The following LMLN variants were observed in gnomAD, a reference collection of about 807,000 sequenced individuals.
LMLN encodes leishmanolysin like peptidase.
A neutral mutation model predicts 92.3 loss-of-function variants in LMLN; 70 were observed. The observed-to-expected ratio is 0.76, with a 90% CI of 0.63 to 0.92. The LOEUF (loss-of-function observed/expected upper bound fraction) is 0.92. Among genes scored for constraint, LMLN ranks in the 40% least tolerant of loss-of-function variants. The pLI, the probability that LMLN is intolerant of heterozygous loss-of-function variation, is 0.00. For synonymous variants in LMLN, 308 were observed against 296.2 expected, an observed-to-expected ratio of 1.04 and a Z score of -0.41; for missense variants, 691 against 814.6, an observed-to-expected ratio of 0.85 and a Z score of 1.85.
chr3:197,960,271 T>G (rs1003711388), exon 1 of LMLN: 17 of 1,610,454 alleles, frequency 1.1e-5, no homozygotes, highest in Non-Finnish European at 1.4e-5. Flanking sequence ...GGCGGAGGAG[T>G]GGGTTACTCG....
At position 198,035,256 on chromosome 3, in the gene LMLN, T is replaced by C. The variant is rs1486671653; in HGVS notation, c.1657-577T>C. 3.3e-5 allele frequency among the ~76,000 whole-genome samples: 5 copies of C among 150,562 alleles called. No homozygotes were observed. In the South Asian group the frequency reaches 1.0e-3, roughly 32 times the overall value. Reference sequence around the variant, plus strand: ...GCCCCCTTGTAATTTTTGGGAAAAGTGTCCATAGCTTCCATCAGATTCTTA... The same window carrying C: ...GCCCCCTTGTAATTTTTGGGAAAAGCGTCCATAGCTTCCATCAGATTCTTA... On this transcript the variant is annotated intron_variant, in intron 14 of 15. Coordinates refer to ENST00000330198, the Ensembl canonical transcript of LMLN.
chr3:197,979,977 A>C (rs1227414220), intron 5 of LMLN, among the ~76,000 whole-genome samples: 1 of 152,200 alleles, frequency 6.6e-6, no homozygotes, highest in African/African-American at 2.4e-5. Flanking sequence ...AAGTTGAAAA[A>C]AAAGCTACTT....
intron 1 of LMLN, among the ~76,000 whole-genome samples, chr3:197,965,681 G>A (rs545274113): frequency 2.6e-4 from 39 of 152,248 alleles, no homozygotes; most frequent in African/African-American, 8.4e-4. Context: ...TTTGGAGGCC[G>A]GGATGGCAAA....
intron 11 of LMLN, among the ~76,000 whole-genome samples, chr3:198,010,299 G>C (rs1467250008): frequency 6.6e-6 from 1 of 151,490 alleles, no homozygotes; most frequent in Non-Finnish European, 1.5e-5. Context: ...GACTACAGGT[G>C]CACACCACCA....
intron 1 of LMLN, among the ~76,000 whole-genome samples, chr3:197,966,547 T>C (rs529939228): frequency 2.0e-3 from 288 of 143,148 alleles, no homozygotes; most frequent in African/African-American, 7.4e-3. Context: ...TTCTAAGAGT[T>C]TTTTTTTTTT....
At chr3:198,043,328 C>T (rs1723463192) in exon 16 of LMLN, 1 of 152,610 alleles carries the variant, frequency 6.6e-6, no homozygotes, top group African/African-American at 2.4e-5. Flanking sequence ...GGTGCCTTAC[C>T]ACTGTCCGTG....
chr3:198,038,670 A>G (rs1252942625), exon 16 of LMLN: 1 of 1,594,504 alleles, frequency 6.3e-7, no homozygotes, highest in Non-Finnish European at 8.6e-7. Flanking sequence ...GGCACTAGGA[A>G]TGGAAAAGTG....
chr3:197,960,547 A>C, intron 1 of LMLN, 107 bp downstream of exon 1: 2 of 1,016,306 alleles, frequency 2.0e-6, no homozygotes, highest in Non-Finnish European at 2.8e-6. Context: ...AGAAAGCGAA[A>C]TTGGGGCAGA....
At chr3:197,963,898 AC>A (rs1189562631) in intron 1 of LMLN, among the ~76,000 whole-genome samples, 1 of 152,188 alleles carries the variant, frequency 6.6e-6, no homozygotes, top group Non-Finnish European at 1.5e-5. Context: ...TATGATGTTA[AC>A]TTTACATTTT....
intron 1 of LMLN, among the ~76,000 whole-genome samples, chr3:197,964,676 C>T (rs981649956): frequency 4.0e-5 from 6 of 150,772 alleles, no homozygotes; most frequent in Admixed American, 6.6e-5. Context: ...GGATTACAGG[C>T]GTGAGCCACC....
intron 8 of LMLN, 125 bp downstream of exon 8, chr3:197,986,015 A>T: frequency 1.6e-6 from 1 of 622,286 alleles, no homozygotes; most frequent in Admixed American, 2.9e-5. Flanking sequence ...AGGAAATTGT[A>T]GATATTAAAA....
At position 197,960,303 on chromosome 3, in the gene LMLN, C is replaced by T. The variant is rs753197155; in HGVS notation, c.82C>T (p.Arg28Trp). 8.7e-6 allele frequency: 14 copies of T among 1,613,730 alleles called. No individual in the cohort carries two copies. Among genetic ancestry groups the T allele is most frequent in the Admixed American group, 6.7e-5 (4 of 60,000 alleles). ...CTCGGGCTCAGGCCCGGGCCGGAGC[C>T]GGTGGCGCTGGAGCGGGTCTGTGTG... Residue 28 changes from arginine (R) to tryptophan (W), a missense_variant, in exon 1 of 16, where the codon CGG becomes TGG. Around this residue, in one of 4 missense-constraint regions of LMLN, gnomAD observed 91 missense variants for 52.5 expected, o/e 1.73. Transcript: ENST00000330198.
chr3:197,997,062 TTC>T (rs1294578030), intron 10 of LMLN, among the ~76,000 whole-genome samples: 2 of 147,764 alleles, frequency 1.4e-5, no homozygotes, highest in African/African-American at 2.7e-5. Context: ...CCTTCTTTCT[TTC>T]TCTCTTTCTT....
chr3:197,983,879 G>A, intron 6 of LMLN, 64 bp from the exon 7 acceptor site: 1 of 1,080,034 alleles, frequency 9.3e-7, no homozygotes, highest in South Asian at 1.3e-5. Flanking sequence ...ATTTGATGGA[G>A]AAGTAAATGT....
At position 197,980,287 on chromosome 3, in the gene LMLN, G is replaced by T. The variant is rs1345010482; in HGVS notation, c.550-39G>T. The T allele has an allele frequency of 5.1e-6, 8 of 1,570,514 alleles. No homozygotes were observed. In the Admixed American group the frequency reaches 1.4e-4, roughly 28 times the overall value. On this transcript the variant is annotated intron_variant, in intron 5 of 15. Transcript: ENST00000330198. Reference sequence around the variant, plus strand: ...ATTAAATGCCACTACAGCTAACTTTGTCTCTGTTCTGGCTTTCTGATGTCT... The same window carrying T: ...ATTAAATGCCACTACAGCTAACTTTTTCTCTGTTCTGGCTTTCTGATGTCT...
At chr3:197,964,466 T>A (rs1019145654) in intron 1 of LMLN, among the ~76,000 whole-genome samples, 2 of 150,962 alleles carry the variant, frequency 1.3e-5, no homozygotes, top group Non-Finnish European at 3.0e-5. Context: ...AGTGGCGCAA[T>A]CTCAGCAGAG....
At chr3:197,980,286 T>C (rs562428475) in intron 5 of LMLN, 40 bp from the exon 6 acceptor site, 3 of 1,567,230 alleles carry the variant, frequency 1.9e-6, no homozygotes. Flanking sequence ...CAGCTAACTT[T>C]GTCTCTGTTC....
chr3:198,040,568 C>T (rs924167323), exon 16 of LMLN: 17 of 150,166 alleles, frequency 1.1e-4, no homozygotes, highest in African/African-American at 4.2e-4. Flanking sequence ...AACCCTCGGA[C>T]AGACTCCTCC....
At chr3:197,965,681 G>T (rs545274113) in intron 1 of LMLN, among the ~76,000 whole-genome samples, 1 of 152,128 alleles carries the variant, frequency 6.6e-6, no homozygotes, top group Non-Finnish European at 1.5e-5. Context: ...TTTGGAGGCC[G>T]GGATGGCAAA....
Sources: allele counts gnomAD v4.1 joint callset (sites outside exome capture counted in the v4.1 genomes callset), GRCh38; gene constraint gnomAD v4.1.1; regional missense constraint gnomAD v4.1.1; transcripts MANE v1.5; gene names NCBI Gene and HGNC (gene_info 2026-07-23, HGNC 2026-07-21).